The following SWT1 variants were observed in gnomAD, a reference collection of about 807,000 sequenced individuals.
SWT1 encodes transcriptional protein SWT1.
A neutral mutation model predicts 107.3 loss-of-function variants in SWT1; 33 were observed. That is an observed-to-expected ratio of 0.31 (90% CI 0.23 to 0.41). The LOEUF (loss-of-function observed/expected upper bound fraction) is 0.41. Among genes scored for constraint, SWT1 ranks in the 10% least tolerant of loss-of-function variants. The probability of loss-of-function intolerance (pLI) is 1.00; values close to 1 mark genes in which losing one functional copy is unlikely to be tolerated. For synonymous variants in SWT1, 345 were observed against 348.3 expected, an observed-to-expected ratio of 0.99 and a Z score of 0.11; for missense variants, 898 against 1,028.9, an observed-to-expected ratio of 0.87 and a Z score of 1.74.
At chr1:185,265,465 A>C (rs1230256182) in intron 16 of SWT1, among the ~76,000 whole-genome samples, 1 of 152,202 alleles carries the variant, frequency 6.6e-6, no homozygotes, top group East Asian at 1.9e-4. Context: ...TGGATTTGAT[A>C]CATTTTCACC....
chr1:185,162,194 C>T (rs1289281553), intron 2 of SWT1, among the ~76,000 whole-genome samples: 1 of 152,210 alleles, frequency 6.6e-6, no homozygotes, highest in African/African-American at 2.4e-5. Context: ...CCCCTCATTC[C>T]TTAAACCTAC....
chr1:185,254,837 G>T (rs1292310548), intron 16 of SWT1, among the ~76,000 whole-genome samples: 1 of 151,394 alleles, frequency 6.6e-6, no homozygotes, highest in African/African-American at 2.4e-5. Flanking sequence ...GAATGTGTTT[G>T]CTCTTGCTTT....
At chr1:185,241,549 C>T (rs77511037) in intron 16 of SWT1, among the ~76,000 whole-genome samples, 1 of 152,030 alleles carries the variant, frequency 6.6e-6, no homozygotes, top group African/African-American at 2.4e-5. Flanking sequence ...TTCATGCCAC[C>T]ATTTTGTAAA....
intron 10 of SWT1, among the ~76,000 whole-genome samples, chr1:185,193,806 G>C (rs374884137): frequency 1.3e-5 from 2 of 152,132 alleles, no homozygotes; most frequent in East Asian, 1.9e-4. Flanking sequence ...AAGGAGTATT[G>C]AAGTCTCCAA....
intron 15 of SWT1, among the ~76,000 whole-genome samples, chr1:185,231,275 C>T (rs564408483): frequency 6.6e-6 from 1 of 152,154 alleles, no homozygotes; most frequent in Admixed American, 6.5e-5. Context: ...GACTTGAATG[C>T]AGATGGATAG....
intron 16 of SWT1, among the ~76,000 whole-genome samples, chr1:185,234,546 G>C (rs1660727028): frequency 6.6e-6 from 1 of 152,098 alleles, no homozygotes; most frequent in Admixed American, 6.5e-5. Context: ...CACACCAATG[G>C]ATCTTGATTC....
At position 185,227,348 on chromosome 1, in the gene SWT1, C is replaced by T. The variant is rs1443004635; in HGVS notation, c.2310-4229C>T. 3.1e-4 allele frequency: 226 copies of T among 728,064 alleles called. 5 individuals carry two copies. The highest frequency in any genetic ancestry group is 2.9e-3 in the South Asian group (211 of 73,994). 45.1% of individuals were successfully genotyped at this position (728,064 alleles called of 1,614,324 possible). On this transcript the variant is annotated intron_variant, in intron 15 of 18. Coordinates refer to ENST00000367500, the MANE Select transcript of SWT1 (RefSeq NM_017673.7). Reference sequence around the variant, plus strand: ...TCTCTTCCACTTGGCTTTCATAGATCTTGTCCATGCCAAACCTATTGAGAA... The same window carrying T: ...TCTCTTCCACTTGGCTTTCATAGATTTTGTCCATGCCAAACCTATTGAGAA...
chr1:185,194,389 A>T (rs1558030102), intron 10 of SWT1, among the ~76,000 whole-genome samples: 1 of 151,794 alleles, frequency 6.6e-6, no homozygotes. Flanking sequence ...ATTTTTAATG[A>T]TACCATTTTG....
intron 15 of SWT1, among the ~76,000 whole-genome samples, chr1:185,228,149 G>C (rs1660216554): frequency 7.3e-6 from 1 of 137,216 alleles, no homozygotes; most frequent in Non-Finnish European, 1.5e-5. Flanking sequence ...TAAACAGTAT[G>C]TCACATTAAA....
chr1:185,251,622 A>C (rs1662027113), intron 16 of SWT1, among the ~76,000 whole-genome samples: 1 of 152,012 alleles, frequency 6.6e-6, no homozygotes, highest in Admixed American at 6.6e-5. Context: ...TTTCTGCCTA[A>C]AAGTTTGTTT....
chr1:185,283,290 C>T lies in SWT1; in HGVS notation c.2573+6622C>T, dbSNP rs532745210. On this transcript the variant is annotated intron_variant, in intron 18 of 18. Coordinates refer to ENST00000367500, the MANE Select transcript of SWT1 (RefSeq NM_017673.7). ...CAATTCAGCTGGTGTTTTCTCTTCT[C>T]CAGTTTTTAGACTCTTTGAAGTAGC... Among the ~76,000 whole-genome samples the T allele has an allele frequency of 7.9e-5, 12 of 152,296 alleles. No homozygotes were observed. In the South Asian group the frequency reaches 1.0e-3, roughly 13 times the overall value.
At chr1:185,247,348 G>A (rs560800496) in intron 16 of SWT1, among the ~76,000 whole-genome samples, 3 of 152,194 alleles carry the variant, frequency 2.0e-5, no homozygotes, top group Admixed American at 2.0e-4. Context: ...GAAAGGGGAA[G>A]ATACAATGTT....
intron 14 of SWT1, among the ~76,000 whole-genome samples, chr1:185,217,837 C>G (rs1442321036): frequency 6.6e-6 from 1 of 152,182 alleles, no homozygotes; most frequent in African/African-American, 2.4e-5. Flanking sequence ...CTCAGGTGAT[C>G]CACCCACCTT....
intron 16 of SWT1, among the ~76,000 whole-genome samples, chr1:185,233,424 T>C (rs1219016088): frequency 6.6e-6 from 1 of 152,230 alleles, no homozygotes; most frequent in Non-Finnish European, 1.5e-5. Flanking sequence ...TCCTGCTTTC[T>C]CTTGTGGGCA....
intron 18 of SWT1, among the ~76,000 whole-genome samples, chr1:185,278,029 G>C (rs1664361820): frequency 6.6e-6 from 1 of 151,150 alleles, no homozygotes; most frequent in African/African-American, 2.4e-5. Context: ...TCACTATGTT[G>C]CCCAGGGTGG....
At chr1:185,181,760 A>C (rs1300840304) in intron 6 of SWT1, among the ~76,000 whole-genome samples, 186 bp from the exon 7 acceptor site, 1 of 152,202 alleles carries the variant, frequency 6.6e-6, no homozygotes, top group Non-Finnish European at 1.5e-5. Context: ...GTAAGAAGAA[A>C]ACTATTTTGA....
chr1:185,161,061 T>A (rs147982571), intron 2 of SWT1, 136 bp downstream of exon 2: 1 of 656,386 alleles, frequency 1.5e-6, no homozygotes, highest in Non-Finnish European at 2.6e-6. Context: ...GTCATTTGCT[T>A]TTCCGGTTTT....
chr1:185,176,942 C>CCACTG (rs1277674224), intron 5 of SWT1: 2 of 724,048 alleles, frequency 2.8e-6, no homozygotes, highest in East Asian at 1.3e-4. Context: ...CAAGATCGCG[C>CCACTG]CACTGCACTC....
chr1:185,268,937 C>G (rs138989510), intron 16 of SWT1, among the ~76,000 whole-genome samples: 2,704 of 150,286 alleles, frequency 0.018, 69 homozygotes, highest in African/African-American at 0.063. Flanking sequence ...ACTGCAAGCT[C>G]CGCCTCCCGG....
Sources: gnomAD v4.1 joint callset for allele counts (sites outside exome capture counted in the v4.1 genomes callset) on GRCh38, gnomAD v4.1.1 for gene constraint, MANE v1.5 for transcripts, NCBI Gene and HGNC (gene_info 2026-07-23, HGNC 2026-07-21) for gene names.